Variants in ENTHD1 observed in about 807,000 individuals in gnomAD.
ENTHD1 encodes ENTH domain containing 1.
In ENTHD1, 23 loss-of-function variants were observed where a neutral mutation model predicts 39.1. The ratio of observed to expected loss-of-function variants is 0.59; its 90% confidence interval spans 0.42 to 0.83. The LOEUF (loss-of-function observed/expected upper bound fraction) is 0.83, where lower values mean the gene tolerates loss of function less well. ENTHD1 is among the 40% of genes least tolerant of loss of function. The pLI, the probability that ENTHD1 is intolerant of heterozygous loss-of-function variation, is 0.00. For missense variants in ENTHD1, 624 were observed against 705.4 expected (o/e 0.88, Z 1.31); for synonymous variants, 230 against 258.2 (o/e 0.89, Z 1.05).
chr22:39,852,883 T>A (rs1190019430), intron 3 of ENTHD1, among the ~76,000 whole-genome samples: 4 of 152,186 alleles, frequency 2.6e-5, no homozygotes, highest in Non-Finnish European at 5.9e-5. Flanking sequence ...CAAATTATTT[T>A]TATATATTTA....
chr22:39,798,342 T>C (rs1159118213), intron 5 of ENTHD1, among the ~76,000 whole-genome samples: 1 of 152,172 alleles, frequency 6.6e-6, no homozygotes, highest in Non-Finnish European at 1.5e-5. Context: ...ATATCCTGAA[T>C]TGTTTTTCTG....
At chr22:39,756,316 T>TCTCTCTCACA (rs1433242336) in intron 6 of ENTHD1, among the ~76,000 whole-genome samples, 1 of 138,012 alleles carries the variant, frequency 7.2e-6, no homozygotes, top group African/African-American at 2.8e-5. Flanking sequence ...TCTCTCTCTC[T>TCTCTCTCACA]CACACACACA....
At chr22:39,871,116 G>A (rs1309306015) in intron 2 of ENTHD1, among the ~76,000 whole-genome samples, 2 of 151,816 alleles carry the variant, frequency 1.3e-5, no homozygotes, top group African/African-American at 4.8e-5. Context: ...GCTGCAGTGA[G>A]CTGTGATCAC....
intron 2 of ENTHD1, among the ~76,000 whole-genome samples, chr22:39,865,128 G>C (rs1161832972): frequency 6.6e-6 from 1 of 152,094 alleles, no homozygotes; most frequent in Non-Finnish European, 1.5e-5. Flanking sequence ...TCTCCTTGGA[G>C]TCTGTGTGGA....
At chr22:39,883,160 A>T (rs1008825273) in intron 2 of ENTHD1, among the ~76,000 whole-genome samples, 2 of 152,000 alleles carry the variant, frequency 1.3e-5, no homozygotes, top group Non-Finnish European at 2.9e-5. Context: ...TACCTTCCAT[A>T]ATCAACAAAT....
intron 6 of ENTHD1, among the ~76,000 whole-genome samples, chr22:39,760,392 A>G (rs2065223225): frequency 6.6e-6 from 1 of 151,916 alleles, no homozygotes. Context: ...GTTCTTTTTT[A>G]GTAATAATCC....
At chr22:39,770,065 G>A (rs1411474936) in intron 5 of ENTHD1, among the ~76,000 whole-genome samples, 10 of 152,168 alleles carry the variant, frequency 6.6e-5, no homozygotes, top group Non-Finnish European at 1.5e-4. Context: ...TGTTGTTGTT[G>A]CTCGGAAAGT....
At chr22:39,890,372 T>C (rs987903645) in intron 1 of ENTHD1, among the ~76,000 whole-genome samples, 2 of 151,616 alleles carry the variant, frequency 1.3e-5, no homozygotes, top group African/African-American at 2.4e-5. Context: ...GGTTTTTTTT[T>C]CTATTGTCCT....
At chr22:39,804,956 C>T (rs553633479) in intron 5 of ENTHD1, among the ~76,000 whole-genome samples, 2 of 152,200 alleles carry the variant, frequency 1.3e-5, no homozygotes, top group Admixed American at 6.5e-5. Flanking sequence ...TAGAGATCTG[C>T]AGCAAGAGTC....
chr22:39,887,768 G>T lies in ENTHD1; in HGVS notation c.-20C>A. Reference sequence around the variant, plus strand: ...CGCCATAAGTAATACAAGTTCCAAGGTGAGATGGAGGATGAAAGCAATGGA... The same window carrying T: ...CGCCATAAGTAATACAAGTTCCAAGTTGAGATGGAGGATGAAAGCAATGGA... On this transcript the variant is annotated 5_prime_UTR_variant, in exon 2 of 7. Transcript: ENST00000325157. 1 of 1,499,164 alleles carries T rather than the reference G, an allele frequency of 6.7e-7. No homozygotes were observed. The highest frequency in any genetic ancestry group is 9.0e-7 in the Non-Finnish European group (1 of 1,114,980). The allele number at this position is 1,499,164 out of a possible 1,614,324, so 92.9% of individuals were successfully genotyped here.
intron 5 of ENTHD1, among the ~76,000 whole-genome samples, chr22:39,785,095 C>T (rs2146591724): frequency 6.6e-6 from 1 of 151,998 alleles, no homozygotes; most frequent in East Asian, 1.9e-4. Flanking sequence ...ATTAAGACAA[C>T]AGATTAACCC....
At chr22:39,781,702 A>G (rs1206128853) in intron 5 of ENTHD1, among the ~76,000 whole-genome samples, 1 of 152,112 alleles carries the variant, frequency 6.6e-6, no homozygotes, top group Non-Finnish European at 1.5e-5. Context: ...AAGCAATACA[A>G]AGGATCGATA....
At chr22:39,785,730 G>C (rs941269869) in intron 5 of ENTHD1, among the ~76,000 whole-genome samples, 1 of 152,012 alleles carries the variant, frequency 6.6e-6, no homozygotes, top group South Asian at 2.1e-4. Flanking sequence ...AACTTATTCC[G>C]ACCCCCTCCC....
chr22:39,749,705 T>C (rs939421328), intron 6 of ENTHD1, among the ~76,000 whole-genome samples: 8 of 152,230 alleles, frequency 5.3e-5, no homozygotes, highest in African/African-American at 1.2e-4. Flanking sequence ...ATATACAAAT[T>C]AAAATATTCT....
chr22:39,793,268 C>T (rs1224873805), intron 5 of ENTHD1, among the ~76,000 whole-genome samples: 2 of 149,316 alleles, frequency 1.3e-5, no homozygotes, highest in African/African-American at 4.9e-5. Flanking sequence ...GTGCCAATTA[C>T]TCTATATGTA....
chr22:39,823,783 ATATAT>A (rs2065801754), intron 4 of ENTHD1, among the ~76,000 whole-genome samples: 1 of 152,204 alleles, frequency 6.6e-6, no homozygotes, highest in East Asian at 1.9e-4. Context: ...CCTACCAGTA[ATATAT>A]TCGTGTTTTA....
chr22:39,883,976 A>G (rs1407480105), intron 2 of ENTHD1, among the ~76,000 whole-genome samples: 2 of 152,094 alleles, frequency 1.3e-5, no homozygotes, highest in African/African-American at 4.8e-5. Context: ...AATCTTTAAA[A>G]TGAAAAAAAC....
At chr22:39,770,274 G>A (rs1449411185) in intron 5 of ENTHD1, among the ~76,000 whole-genome samples, 1 of 152,144 alleles carries the variant, frequency 6.6e-6, no homozygotes, top group Non-Finnish European at 1.5e-5. Flanking sequence ...GCTAGAGGGA[G>A]ATGGGAAGGT....
intron 5 of ENTHD1, among the ~76,000 whole-genome samples, chr22:39,791,073 A>G (rs2065499844): frequency 6.6e-6 from 1 of 151,824 alleles, no homozygotes; most frequent in African/African-American, 2.4e-5. Context: ...TATCTGATAT[A>G]TATTTTATTA....
Sources: gnomAD v4.1 joint callset for allele counts (sites outside exome capture counted in the v4.1 genomes callset) on GRCh38, gnomAD v4.1.1 for gene constraint, MANE v1.5 for transcripts, NCBI Gene and HGNC (gene_info 2026-07-23, HGNC 2026-07-21) for gene names.